The following NAP1L4 variants were observed in gnomAD, a reference collection of about 807,000 sequenced individuals.
NAP1L4 encodes the protein nucleosome assembly protein 1 like 4.
A neutral mutation model predicts 58.2 loss-of-function variants in NAP1L4; 15 were observed. The observed-to-expected ratio is 0.26, with a 90% confidence interval of 0.17 to 0.40. NAP1L4 has a LOEUF of 0.40. NAP1L4 is among the 10% of genes least tolerant of loss of function. The pLI is 1.00. For missense variants in NAP1L4, 384 were observed against 451.1 expected, an observed-to-expected ratio of 0.85 and a Z score of 1.35; for synonymous variants, 171 against 155.6, an observed-to-expected ratio of 1.10 and a Z score of -0.74.
rs963176691 is a variant in NAP1L4, at chr11:2,948,771, T to C, written c.*32+456A>G. Reference sequence around the variant, plus strand: ...CCTATTGGTCTGCACAAAACATGAATTCAAAAAGTATAGATATTCAACAGA... The same window carrying C: ...CCTATTGGTCTGCACAAAACATGAACTCAAAAAGTATAGATATTCAACAGA... On this transcript the variant is annotated intron_variant, in intron 15 of 15. Coordinates refer to ENST00000380542, the MANE Select transcript of NAP1L4 (RefSeq NM_005969.4). The surrounding 1 kb of genome is among the most constrained non-coding windows in gnomAD (Gnocchi z 5.1). Among the ~76,000 whole-genome samples, 2 of 152,178 alleles carry C rather than the reference T, an allele frequency of 1.3e-5. No individual in the cohort carries two copies. The highest frequency in any genetic ancestry group is 4.8e-5 in the African/African-American group (2 of 41,436).
At chr11:2,988,742 C>T (rs1848793400) in intron 1 of NAP1L4, among the ~76,000 whole-genome samples, 1 of 152,144 alleles carries the variant, frequency 6.6e-6, no homozygotes, top group African/African-American at 2.4e-5. Flanking sequence ...AATGAACATA[C>T]ATTTCGTTTT....
intron 14 of NAP1L4, among the ~76,000 whole-genome samples, chr11:2,950,111 G>A (rs1264239585): frequency 6.6e-6 from 1 of 152,134 alleles, no homozygotes. Flanking sequence ...TTCCCTGTCC[G>A]CACACTGTGA....
chr11:2,947,049 CT>C (rs1291236346), intron 15 of NAP1L4, among the ~76,000 whole-genome samples: 1 of 152,176 alleles, frequency 6.6e-6, no homozygotes, highest in Non-Finnish European at 1.5e-5. Context: ...CAGACTCCAT[CT>C]TTATGTACAT....
intron 1 of NAP1L4, among the ~76,000 whole-genome samples, chr11:2,980,851 G>A (rs1463945145): frequency 6.6e-6 from 1 of 151,786 alleles, no homozygotes; most frequent in Non-Finnish European, 1.5e-5. Context: ...CTATTTTTAA[G>A]ATTCAAAATA....
At chr11:2,950,804 C>G (rs1846185735) in intron 14 of NAP1L4, among the ~76,000 whole-genome samples, 2 of 152,166 alleles carry the variant, frequency 1.3e-5, no homozygotes. Flanking sequence ...TATCTAGACA[C>G]ATCATCTGGG....
rs772270265 is a variant in NAP1L4 at position 2,969,794 on chromosome 11, T to G, written c.534+9A>C. 88 of 1,606,448 alleles carry G rather than the reference T, an allele frequency of 5.5e-5. 3 individuals carry two copies. The South Asian group carries it at 9.8e-4, about 18-fold the overall frequency. On this transcript the variant is annotated intron_variant, in intron 7 of 15. Coordinates refer to ENST00000380542, the MANE Select transcript of NAP1L4 (RefSeq NM_005969.4). ...ACATAATCTCTCTACAAGACAGAAG[T>G]GTGCTTACCTGGACTAATTCACTCA...
chr11:2,967,240 G>A (rs1219609889), intron 7 of NAP1L4, among the ~76,000 whole-genome samples: 2 of 152,128 alleles, frequency 1.3e-5, no homozygotes, highest in African/African-American at 2.4e-5. Context: ...CCTCTAGGCT[G>A]GGCATCATAG....
chr11:2,955,658 T>A lies in NAP1L4; in HGVS notation c.915+86A>T. The A allele has an allele frequency of 7.2e-7, 1 of 1,384,856 alleles. No individual in the cohort carries two copies. 85.8% of individuals were successfully genotyped at this position (1,384,856 alleles called of 1,614,324 possible). Reference sequence around the variant, plus strand: ...TACCCAGTCCACACACAGCCAGGACTGGACTTTTTTTAACAAGTAGACAAG... The same window carrying A: ...TACCCAGTCCACACACAGCCAGGACAGGACTTTTTTTAACAAGTAGACAAG... On this transcript the variant is annotated intron_variant, in intron 11 of 15. Coordinates refer to ENST00000380542, the MANE Select transcript of NAP1L4 (RefSeq NM_005969.4). This position sits in a 1 kb window ranked among gnomAD's most constrained non-coding sequence, Gnocchi z 4.2.
chr11:2,977,369 C>T (rs1339407564), intron 3 of NAP1L4, among the ~76,000 whole-genome samples: 1 of 152,228 alleles, frequency 6.6e-6, no homozygotes, highest in Admixed American at 6.5e-5. Flanking sequence ...GAACCAACGA[C>T]CACTGCATCA....
At chr11:2,992,083 C>G (rs981297988) in intron 1 of NAP1L4, 171 bp downstream of exon 1, 60 of 151,874 alleles carry the variant, frequency 4.0e-4, no homozygotes, top group African/African-American at 1.4e-3. Flanking sequence ...CCGCCGCGGC[C>G]GCCGCTGCCT....
chr11:2,989,553 C>A (rs1225718020), intron 1 of NAP1L4, among the ~76,000 whole-genome samples: 1 of 152,102 alleles, frequency 6.6e-6, no homozygotes, highest in African/African-American at 2.4e-5. Flanking sequence ...AAACTGCAGA[C>A]AACTAAAGGG....
At position 2,978,316 on chromosome 11, in the gene NAP1L4, G is replaced by C. The variant is rs772092379; in HGVS notation, c.41C>G (p.Ser14Cys). 14 of 1,613,806 alleles carry C rather than the reference G, an allele frequency of 8.7e-6. No individual in the cohort carries two copies. The East Asian group carries it at 1.1e-4, about 13-fold the overall frequency. The change falls in exon 3 of 16, where the codon TCC becomes TGC. Residue 14 changes from serine (S) to cysteine (C), a missense_variant. This residue lies in a region of NAP1L4 where 84 missense variants were observed against 73.7 expected (regional missense o/e 1.14). Coordinates refer to ENST00000380542, the MANE Select transcript of NAP1L4 (RefSeq NM_005969.4). ...ACTTGCATTTTTAGCAGCTTCCACG[G>C]AATCTGAAGGAACCCCATCTGAAAA... ...HSFSDGVPSD[S>C]VEAAKNASNT...
chr11:2,961,461 T>C (rs894778338), intron 8 of NAP1L4, among the ~76,000 whole-genome samples: 1 of 144,980 alleles, frequency 6.9e-6, no homozygotes, highest in Non-Finnish European at 1.5e-5. Context: ...GGAATCAGCA[T>C]CAAATAAAAT....
intron 10 of NAP1L4, among the ~76,000 whole-genome samples, chr11:2,956,559 T>C (rs1487596092): frequency 2.0e-5 from 3 of 152,222 alleles, no homozygotes; most frequent in Non-Finnish European, 4.4e-5. Context: ...CTGGCAGCAC[T>C]TGCTGTTTGC....
chr11:2,958,914 C>T (rs1036863646), intron 9 of NAP1L4: 44 of 240,124 alleles, frequency 1.8e-4, no homozygotes, highest in African/African-American at 9.4e-4. Context: ...TTCAAAGCAG[C>T]CAACTGAGCA....
At chr11:2,957,739 A>T (rs28521482) in intron 10 of NAP1L4, among the ~76,000 whole-genome samples, 6 of 152,240 alleles carry the variant, frequency 3.9e-5, no homozygotes, top group Non-Finnish European at 7.3e-5. Flanking sequence ...AGGAAAATTT[A>T]AAAAATAAAT....
chr11:2,974,766 C>G (rs1223475115), intron 4 of NAP1L4, among the ~76,000 whole-genome samples: 1 of 151,956 alleles, frequency 6.6e-6, no homozygotes, highest in African/African-American at 2.4e-5. Context: ...ACAAAACAAA[C>G]AAAAAAACAC....
At position 2,951,175 on chromosome 11, in the gene NAP1L4, C is replaced by A; in HGVS notation, c.1122+84G>T. 9.6e-7 allele frequency: 1 copy of A among 1,041,978 alleles called. No homozygotes were observed. The highest frequency in any genetic ancestry group is 1.6e-5 in the African/African-American group (1 of 63,138). The allele number at this position is 1,041,978 out of a possible 1,614,324, so 64.5% of individuals were successfully genotyped here. ...TAGGGAATAATGAATATTGTTAACA[C>A]TACTGCCTCAAAGTGGGGAACATTT... On this transcript the variant is annotated intron_variant, in intron 14 of 15. Transcript: ENST00000380542. The surrounding 1 kb of genome is among the most constrained non-coding windows in gnomAD (Gnocchi z 4.0).
chr11:2,981,251 A>C (rs1041782588), intron 1 of NAP1L4, among the ~76,000 whole-genome samples: 1 of 150,818 alleles, frequency 6.6e-6, no homozygotes, highest in Admixed American at 6.6e-5. Context: ...AAAAAGAAAA[A>C]AAAAAAAATG....
Sources: allele counts gnomAD v4.1 joint callset (sites outside exome capture counted in the v4.1 genomes callset), GRCh38; gene constraint gnomAD v4.1.1; regional missense constraint gnomAD v4.1.1; non-coding constraint Gnocchi (gnomAD v3.1); transcripts MANE v1.5; gene names NCBI Gene and HGNC (gene_info 2026-07-23, HGNC 2026-07-21).